CCDC88C: variants seen among roughly 807,000 people sequenced by gnomAD.
CCDC88C encodes the protein coiled-coil and HOOK domain protein 88C, also known as protein Daple.
A neutral mutation model predicts 198.8 loss-of-function variants in CCDC88C; 131 were observed. The ratio of observed to expected loss-of-function variants is 0.66; its 90% CI spans 0.57 to 0.76. The LOEUF (loss-of-function observed/expected upper bound fraction) is 0.76. Among genes scored for constraint, CCDC88C ranks in the 30% least tolerant of loss-of-function variants. The probability of loss-of-function intolerance (pLI) is 0.00; values close to 1 mark genes in which losing one functional copy is unlikely to be tolerated. For missense variants in CCDC88C, 2,553 were observed against 2,631.6 expected, an observed-to-expected ratio of 0.97 and a Z score of 0.65; for synonymous variants, 1,166 against 1,114.7, an observed-to-expected ratio of 1.05 and a Z score of -0.92.
chr14:91,412,245 T>C (rs558782921), intron 2 of CCDC88C, among the ~76,000 whole-genome samples: 2 of 152,022 alleles, frequency 1.3e-5, no homozygotes, highest in African/African-American at 4.8e-5. Context: ...TAAAAAACAA[T>C]AGCAAGAGTC....
intron 3 of CCDC88C, among the ~76,000 whole-genome samples, chr14:91,392,969 A>G (rs180679210): frequency 3.0e-4 from 45 of 152,292 alleles, no homozygotes; most frequent in African/African-American, 1.1e-3. Flanking sequence ...CACATAGCGA[A>G]AAAGGAAAGG....
chr14:91,283,728 A>C (rs1890294089), intron 25 of CCDC88C: 1 of 589,290 alleles, frequency 1.7e-6, no homozygotes, highest in African/African-American at 1.9e-5. Context: ...CAGAGGCCCC[A>C]TGAGGATGGC....
intron 27 of CCDC88C, 104 bp from the exon 28 acceptor site, chr14:91,279,410 C>A: frequency 1.1e-6 from 1 of 926,524 alleles, no homozygotes. Flanking sequence ...CATGCCAAAG[C>A]TAAGCCCAAC....
rs779114364 is a variant in CCDC88C at position 91,289,389 on chromosome 14, C to A, written c.4203-46G>T. The A allele has an allele frequency of 1.5e-5, 23 of 1,509,466 alleles. No homozygotes were observed. In the African/African-American group the frequency reaches 2.6e-4, roughly 17 times the overall value. 93.5% of individuals were successfully genotyped at this position (1,509,466 alleles called of 1,614,324 possible). A position where few individuals can be genotyped will look rare whatever the true frequency, so the allele number is the denominator to read the frequency against. ...AGGACATAGCCAGCCCTCCCACACACCCCCAGTGGGTCCCTGGTTCCCTAA... is the reference window on the plus strand; with the variant it reads ...AGGACATAGCCAGCCCTCCCACACAACCCCAGTGGGTCCCTGGTTCCCTAA... On this transcript the variant is annotated intron_variant, in intron 24 of 29. Transcript: ENST00000389857.
At chr14:91,383,244 C>A (rs949415360) in intron 3 of CCDC88C, among the ~76,000 whole-genome samples, 2 of 152,262 alleles carry the variant, frequency 1.3e-5, no homozygotes, top group East Asian at 3.8e-4. Context: ...GCCTGGAGTG[C>A]CCAGGGCAAT....
At position 91,284,344 on chromosome 14, in the gene CCDC88C, CAA is replaced by C. The variant is rs1002265608; in HGVS notation, c.4442-829_4442-828del. Among the ~76,000 whole-genome samples, 8 of 152,194 alleles carry C rather than the reference CAA, an allele frequency of 5.3e-5. No homozygotes were observed. The highest frequency in any genetic ancestry group is 1.9e-4 in the African/African-American group (8 of 41,436). On this transcript the variant is annotated intron_variant, in intron 25 of 29. Transcript: ENST00000389857. This position sits in a 1 kb window ranked among gnomAD's most constrained non-coding sequence, Gnocchi z 4.1. ...CAAGCCGTCTGCCCTCCCAGCCACTCAAAGTCTGGGCTCACTGTGCAGTTTTA... is the reference window on the plus strand; with the variant it reads ...CAAGCCGTCTGCCCTCCCAGCCACTCAGTCTGGGCTCACTGTGCAGTTTTA...
intron 3 of CCDC88C, among the ~76,000 whole-genome samples, chr14:91,386,511 C>T (rs1168207220): frequency 6.6e-6 from 1 of 152,084 alleles, no homozygotes; most frequent in African/African-American, 2.4e-5. Flanking sequence ...ATGGTAGAAC[C>T]GACAGGGCCT....
In CCDC88C at chr14:91,408,676, T is replaced by C; in HGVS notation, c.253A>G (p.Ile85Val). The change falls in exon 3 of 30, where the codon ATT (isoleucine) becomes GTT (valine). Residue 85 changes from isoleucine to valine, a missense_variant. By Grantham distance (29) the Ile-to-Val change is conservative (BLOSUM62 3). Transcript: ENST00000389857. The stretch of plus-strand genomic sequence containing the variant: ...GCCCTTACCTGGTAGTAGGTCTTAA[T>C]GTTTCTCACCAAGATGGTCAAATTC... ...IQNLTILVRN[I>V]KTYYQEVLQQ... 1 of 1,610,162 alleles carries C rather than the reference T, an allele frequency of 6.2e-7. No homozygotes were observed. Among genetic ancestry groups the C allele is most frequent in the East Asian group, 2.2e-5 (1 of 44,868 alleles).
chr14:91,302,478 G>A (rs544731744), intron 20 of CCDC88C, among the ~76,000 whole-genome samples: 3 of 152,322 alleles, frequency 2.0e-5, no homozygotes, highest in Admixed American at 6.5e-5. Context: ...CATGCCCTGC[G>A]CAGGTGCCTG....
chr14:91,417,085 CG>C (rs1214689823), intron 1 of CCDC88C: 10 of 702,576 alleles, frequency 1.4e-5, no homozygotes, highest in Non-Finnish European at 2.6e-5. Context: ...CGTTCCAGAG[CG>C]GAAGAAATAA....
chr14:91,321,489 C>A (rs976587840), intron 12 of CCDC88C, among the ~76,000 whole-genome samples, 185 bp from the exon 13 acceptor site: 138 of 152,206 alleles, frequency 9.1e-4, no homozygotes, highest in African/African-American at 3.0e-3. Flanking sequence ...GGCTCCTCTG[C>A]AGGCTTTGCT....
chr14:91,414,028 A>G (rs1273314313), intron 2 of CCDC88C, among the ~76,000 whole-genome samples: 1 of 152,192 alleles, frequency 6.6e-6, no homozygotes, highest in East Asian at 1.9e-4. Context: ...AGTGCAGTAC[A>G]GTCTAAATGC....
chr14:91,276,342 T>C (rs1265202354), intron 29 of CCDC88C, among the ~76,000 whole-genome samples: 2 of 152,260 alleles, frequency 1.3e-5, no homozygotes, highest in South Asian at 2.1e-4. Context: ...GGCCCTCCTT[T>C]GTTTTTCTCC....
At chr14:91,279,467 G>T (rs751291703) in intron 27 of CCDC88C, 161 bp from the exon 28 acceptor site, 28 of 590,398 alleles carry the variant, frequency 4.7e-5, no homozygotes, top group Non-Finnish European at 7.4e-5. Context: ...GCTCCAGTGA[G>T]GAAGCCTCAC....
Position 91,297,392 on chromosome 14 carries a change from G to T in CCDC88C, c.3879C>A (p.Leu1293=). 1 of 1,613,136 alleles carries T rather than the reference G, an allele frequency of 6.2e-7. No homozygotes were observed. The highest frequency in any genetic ancestry group is 8.5e-7 in the Non-Finnish European group (1 of 1,179,584). The part of the protein sequence containing the change: ...KTSLNNAQLE[L]NRWQARFDEL... Reference sequence around the variant, plus strand: ...CGTCGAAGCGGGCCTGCCAGCGGTTGAGCTCCAGCTGCGCGTTGTTCAGTG... The same window carrying T: ...CGTCGAAGCGGGCCTGCCAGCGGTTTAGCTCCAGCTGCGCGTTGTTCAGTG... The change falls in exon 22 of 30, where the codon CTC becomes CTA. Residue 1293 remains leucine, a synonymous_variant. Coordinates refer to ENST00000389857, the MANE Select transcript of CCDC88C (RefSeq NM_001080414.4).
At chr14:91,310,977 G>A (rs1200279236) in intron 15 of CCDC88C, among the ~76,000 whole-genome samples, 4 of 152,224 alleles carry the variant, frequency 2.6e-5, no homozygotes, top group Non-Finnish European at 5.9e-5. Flanking sequence ...CTCTGGCAAA[G>A]GGGATGAAGT....
intron 18 of CCDC88C, among the ~76,000 whole-genome samples, 189 bp from the exon 19 acceptor site, chr14:91,306,115 C>T (rs1470585270): frequency 6.6e-6 from 1 of 152,156 alleles, no homozygotes. Context: ...TTAAAGGCTA[C>T]ACATCATGGG....
intron 22 of CCDC88C, among the ~76,000 whole-genome samples, chr14:91,295,594 G>A (rs1032171592): frequency 6.6e-6 from 1 of 152,234 alleles, no homozygotes; most frequent in Non-Finnish European, 1.5e-5. Context: ...AGTAACGATG[G>A]GGGAGCTGCT....
At chr14:91,411,135 T>C (rs976688987) in intron 2 of CCDC88C, among the ~76,000 whole-genome samples, 7 of 152,208 alleles carry the variant, frequency 4.6e-5, no homozygotes, top group African/African-American at 1.7e-4. Flanking sequence ...TAAGCCTCTC[T>C]GGGTAGAGAG....
Sources: gnomAD v4.1 joint callset for allele counts (sites outside exome capture counted in the v4.1 genomes callset) on GRCh38, gnomAD v4.1.1 for gene constraint, Gnocchi (gnomAD v3.1) non-coding constraint, MANE v1.5 for transcripts, NCBI Gene and HGNC (gene_info 2026-07-23, HGNC 2026-07-21) for gene names.